Variants in DCTN2 observed in about 807,000 individuals in gnomAD.
DCTN2 encodes dynactin subunit 2.
Under a neutral mutation model 55.4 loss-of-function variants are expected in DCTN2, and 18 were observed. That is an observed-to-expected ratio of 0.32 (90% CI 0.22 to 0.48). The LOEUF (loss-of-function observed/expected upper bound fraction) is 0.48. Ranked by LOEUF, DCTN2 falls within the 20% of genes least tolerant of loss-of-function variation. The probability of loss-of-function intolerance (pLI) is 0.99; values close to 1 mark genes in which losing one functional copy is unlikely to be tolerated. For synonymous variants in DCTN2, 168 were observed against 185.2 expected, an observed-to-expected ratio of 0.91 and a Z score of 0.76; for missense variants, 390 against 491.0, an observed-to-expected ratio of 0.79 and a Z score of 1.94.
In DCTN2 at chr12:57,533,252, C is replaced by G. The variant is rs763358233; in HGVS notation, c.721G>C (p.Asp241His). ...LTELETAVRC[D>H]QDAQNPLSAG... ...GAACACCTGACCTGAGCATCCTGATCACAACGTACAGCTGTCTCCAGCTCT... is the reference window on the plus strand; with the variant it reads ...GAACACCTGACCTGAGCATCCTGATGACAACGTACAGCTGTCTCCAGCTCT... Residue 241 changes from aspartate (D) to histidine (H), a missense_variant, in exon 8 of 14, where the codon GAT becomes CAT. Asp to His is a moderately conservative substitution (Grantham distance 81). Transcript: ENST00000548249. 2.5e-6 allele frequency: 4 copies of G among 1,613,866 alleles called. No homozygotes were observed. Among genetic ancestry groups the G allele is most frequent in the East Asian group, 2.2e-5 (1 of 44,902 alleles).
At chr12:57,531,117 T>C (rs972256415) in intron 13 of DCTN2, among the ~76,000 whole-genome samples, 4 of 152,226 alleles carry the variant, frequency 2.6e-5, no homozygotes, top group Non-Finnish European at 5.9e-5. Flanking sequence ...AAAAGGATAT[T>C]ATTCTAAGTC....
At position 57,532,553 on chromosome 12, in the gene DCTN2, G is replaced by T. The variant is rs1164778163; in HGVS notation, c.924+19C>A. The T allele has an allele frequency of 3.1e-6, 5 of 1,613,358 alleles. No homozygotes were observed. In the Admixed American group the frequency reaches 8.3e-5, roughly 27 times the overall value. ...AACCTGAGGGAGTGGAAAGGAGATG[G>T]GGAAGGTGTCTTCCTGACCTTGCTT... On this transcript the variant is annotated intron_variant, in intron 11 of 13. Transcript: ENST00000548249.
At chr12:57,534,566 G>T in intron 5 of DCTN2, 114 bp from the exon 6 acceptor site, 1 of 1,144,600 alleles carries the variant, frequency 8.7e-7, no homozygotes, top group Non-Finnish European at 1.2e-6. Flanking sequence ...ATGGTTTTCA[G>T]CATGACAGAC....
chr12:57,546,956 C>G (rs1433286386), intron 1 of DCTN2, 72 bp downstream of exon 1: 28 of 1,191,316 alleles, frequency 2.4e-5, no homozygotes, highest in South Asian at 4.0e-5. Context: ...GGGTCGCGGG[C>G]TGGTTTCTGC....
chr12:57,540,507 G>A (rs1555174578), intron 2 of DCTN2, among the ~76,000 whole-genome samples: 2 of 152,140 alleles, frequency 1.3e-5, no homozygotes, highest in Non-Finnish European at 2.9e-5. Flanking sequence ...TACCTAGTAC[G>A]TGACTCCCAG....
Position 57,533,040 on chromosome 12 carries a change from G to GTGGGA in DCTN2, c.736-19_736-18insTCCCA, listed in dbSNP as rs1879885863. The GTGGGA allele has an allele frequency of 1.3e-6, 2 of 1,591,904 alleles. No homozygotes were observed. Among genetic ancestry groups the GTGGGA allele is most frequent in the Admixed American group, 1.8e-5 (1 of 55,200 alleles). On this transcript the variant is annotated intron_variant, in intron 8 of 13. Transcript: ENST00000548249. ...AGGGGATTCTGGTGGGAAAGGAAGGGAAGAAGTGAGTGGTCCTTATATCTC... is the reference window on the plus strand; with the variant it reads ...AGGGGATTCTGGTGGGAAAGGAAGGGTGGGAAAGAAGTGAGTGGTCCTTATATCTC...
intron 1 of DCTN2, 105 bp downstream of exon 1, chr12:57,546,923 G>C: frequency 1.0e-6 from 1 of 966,532 alleles, no homozygotes; most frequent in African/African-American, 1.7e-5. Flanking sequence ...GCCCTTGGGC[G>C]GAGGATGGGC....
chr12:57,542,854 G>A lies in DCTN2; in HGVS notation c.105+3174C>T, dbSNP rs984058887. 17 of 455,724 alleles carry A rather than the reference G, an allele frequency of 3.7e-5. No individual in the cohort carries two copies. In the East Asian group the frequency reaches 1.0e-3, roughly 28 times the overall value. 28.2% of individuals were successfully genotyped at this position (455,724 alleles called of 1,614,324 possible). On this transcript the variant is annotated intron_variant, in intron 2 of 13. Coordinates refer to ENST00000548249, the MANE Select transcript of DCTN2 (RefSeq NM_001261413.2). ...AAGAAATCTGGAGACCCCCTGAAAG[G>A]TTCCACAAGAGTCTATCCATATTGG...
intron 2 of DCTN2, 53 bp downstream of exon 2, chr12:57,545,975 C>T (rs1198672578): frequency 1.9e-6 from 3 of 1,583,362 alleles, no homozygotes; most frequent in African/African-American, 1.3e-5. Flanking sequence ...AAGGACCTGT[C>T]TAGGGGAGAA....
intron 2 of DCTN2, chr12:57,543,201 T>C (rs1344696652): frequency 2.8e-6 from 1 of 360,900 alleles, no homozygotes; most frequent in African/African-American, 2.1e-5. Flanking sequence ...ACAAGAAAAT[T>C]AGCCGGGTGT....
At position 57,532,562 on chromosome 12, in the gene DCTN2, T is replaced by A; in HGVS notation, c.924+10A>T. 1 of 1,613,852 alleles carries A rather than the reference T, an allele frequency of 6.2e-7. No individual in the cohort carries two copies. Among genetic ancestry groups the A allele is most frequent in the Non-Finnish European group, 8.5e-7 (1 of 1,179,804 alleles). On this transcript the variant is annotated intron_variant, in intron 11 of 13. Coordinates refer to ENST00000548249, the MANE Select transcript of DCTN2 (RefSeq NM_001261413.2). ...GAGTGGAAAGGAGATGGGGAAGGTG[T>A]CTTCCTGACCTTGCTTTGTGTATCT...
chr12:57,538,143 A>G (rs1236858621), intron 2 of DCTN2: 1 of 356,976 alleles, frequency 2.8e-6, no homozygotes, highest in Non-Finnish European at 5.4e-6. Flanking sequence ...AGCGGGGAGT[A>G]GAAGAGGGTC....
chr12:57,537,709 T>C (rs1055813905), intron 2 of DCTN2, among the ~76,000 whole-genome samples: 6 of 152,180 alleles, frequency 3.9e-5, no homozygotes, highest in African/African-American at 1.2e-4. Flanking sequence ...GTAAGAGCTA[T>C]AGATCAAGGG....
intron 11 of DCTN2, 60 bp from the exon 12 acceptor site, chr12:57,532,375 G>A (rs1345161154): frequency 1.1e-5 from 16 of 1,444,976 alleles, no homozygotes; most frequent in South Asian, 3.6e-5. Context: ...AGTATGTACA[G>A]ACTGCTATTT....
At chr12:57,533,808 G>A (rs886482992) in intron 7 of DCTN2, 145 bp downstream of exon 7, 29 of 818,038 alleles carry the variant, frequency 3.5e-5, no homozygotes, top group Middle Eastern at 3.9e-4. Context: ...AGAGAACAAC[G>A]AATCAGGAAT....
In DCTN2 at chr12:57,534,303, G is replaced by A. The variant is rs759259061; in HGVS notation, c.513C>T (p.Gly171=). Residue 171 remains glycine (G), a synonymous_variant, in exon 6 of 14, where the codon GGC becomes GGT. Transcript: ENST00000548249. The part of the protein sequence containing the change: ...DAAINLTDPD[G]ALAKRLLLQL... ...AGTAGGGTACCCACTTAGCCAGGGCGCCATCGGGGTCGGTAAGGTTGATTG... is the reference window on the plus strand; with the variant it reads ...AGTAGGGTACCCACTTAGCCAGGGCACCATCGGGGTCGGTAAGGTTGATTG... 1.1e-5 allele frequency: 18 copies of A among 1,592,044 alleles called. No individual in the cohort carries two copies. Among genetic ancestry groups the A allele is most frequent in the Admixed American group, 6.9e-5 (4 of 58,242 alleles).
At chr12:57,543,052 T>A (rs1019649690) in intron 2 of DCTN2, 10 of 453,970 alleles carry the variant, frequency 2.2e-5, no homozygotes, top group African/African-American at 2.0e-4. Context: ...TTGTCAGGGG[T>A]TAAGAAGGTG....
chr12:57,535,520 G>C lies in DCTN2; in HGVS notation c.228C>G (p.Thr76=). Reference sequence around the variant, plus strand: ...CTCCAGATTCATATCCTGTCCTCTTGGTTTTTCCAATACGATCTGAGAAAT... The same window carrying C: ...CTCCAGATTCATATCCTGTCCTCTTCGTTTTTCCAATACGATCTGAGAAAT... The part of the protein sequence containing the change: ...GLDFSDRIGK[T]KRTGYESGEY... The change falls in exon 4 of 14, where the codon ACC becomes ACG. Residue 76 remains threonine (T), a synonymous_variant. Coordinates refer to ENST00000548249, the MANE Select transcript of DCTN2 (RefSeq NM_001261413.2). The C allele has an allele frequency of 5.0e-6, 8 of 1,613,914 alleles. No homozygotes were observed. The highest frequency in any genetic ancestry group is 6.8e-6 in the Non-Finnish European group (8 of 1,179,892).
In DCTN2 at chr12:57,533,310, G is replaced by A; in HGVS notation, c.670-7C>T. On this transcript the variant is annotated splice_polypyrimidine_tract_variant and splice_region_variant and intron_variant, in intron 7 of 13. Transcript: ENST00000548249. ...GCTTTTCAAGTTCTGCGACCTAGTG[G>A]GAGGAAGGAGGTGAGATTTGCCATC... The A allele has an allele frequency of 6.2e-7, 1 of 1,613,760 alleles. No homozygotes were observed. Among genetic ancestry groups the A allele is most frequent in the Non-Finnish European group, 8.5e-7 (1 of 1,179,782 alleles).
Sources: gnomAD v4.1 joint callset for allele counts (sites outside exome capture counted in the v4.1 genomes callset) on GRCh38, gnomAD v4.1.1 for gene constraint, MANE v1.5 for transcripts, NCBI Gene and HGNC (gene_info 2026-07-23, HGNC 2026-07-21) for gene names.